CTNNBIP1: variants seen among roughly 807,000 people sequenced by gnomAD.
The protein encoded by CTNNBIP1 is catenin beta interacting protein 1.
A neutral mutation model predicts 11.8 loss-of-function variants in CTNNBIP1; 7 were observed. The observed-to-expected ratio is 0.60, with a 90% CI of 0.34 to 1.12. The LOEUF (loss-of-function observed/expected upper bound fraction) is 1.12. Among genes scored for constraint, CTNNBIP1 ranks in the 50% most tolerant of loss-of-function variants. The pLI is 0.03. For missense variants in CTNNBIP1, 101 were observed against 113.4 expected, an observed-to-expected ratio of 0.89 and a Z score of 0.50; for synonymous variants, 58 against 43.9, an observed-to-expected ratio of 1.32 and a Z score of -1.26.
At chr1:9,899,627 C>T (rs571265294) in intron 1 of CTNNBIP1, among the ~76,000 whole-genome samples, 4 of 151,676 alleles carry the variant, frequency 2.6e-5, no homozygotes, top group African/African-American at 9.7e-5. Flanking sequence ...GGCATGGTGA[C>T]GCATGGCTGT....
At chr1:9,859,878 G>C (rs1638586395) in intron 5 of CTNNBIP1, among the ~76,000 whole-genome samples, 1 of 152,212 alleles carries the variant, frequency 6.6e-6, no homozygotes, top group Non-Finnish European at 1.5e-5. Flanking sequence ...ACAAAGGCCT[G>C]TGACCCTGAT....
intron 5 of CTNNBIP1, among the ~76,000 whole-genome samples, chr1:9,868,355 G>A (rs1428116025): frequency 2.0e-5 from 3 of 152,226 alleles, no homozygotes; most frequent in African/African-American, 4.8e-5. Context: ...GGCCCACACA[G>A]TTGGTCACAG....
chr1:9,850,790 G>A lies in CTNNBIP1; in HGVS notation c.188-14C>T, dbSNP rs759830384. 5.0e-6 allele frequency: 8 copies of A among 1,613,480 alleles called. No individual in the cohort carries two copies. In the Admixed American group the frequency reaches 5.0e-5, roughly 10 times the overall value. On this transcript the variant is annotated splice_polypyrimidine_tract_variant and intron_variant, in intron 5 of 5. Coordinates refer to ENST00000377263, the MANE Select transcript of CTNNBIP1 (RefSeq NM_020248.3). ...CGTCCTCTGCACCTGCAGATAAGGCGACAAGGATCGCTGATGGGGCTTGCA... is the reference window on the plus strand; with the variant it reads ...CGTCCTCTGCACCTGCAGATAAGGCAACAAGGATCGCTGATGGGGCTTGCA...
intron 1 of CTNNBIP1, among the ~76,000 whole-genome samples, chr1:9,908,642 G>A (rs548573305): frequency 2.4e-4 from 37 of 152,268 alleles, no homozygotes; most frequent in Middle Eastern, 3.4e-3. Context: ...GACTACAAGC[G>A]TGAGCCACCG....
intron 1 of CTNNBIP1, among the ~76,000 whole-genome samples, chr1:9,905,274 A>G (rs1322956184): frequency 3.3e-5 from 5 of 152,152 alleles, no homozygotes. Context: ...TCATTCTTGC[A>G]GTCCTCTCTG....
chr1:9,878,512 G>A lies in CTNNBIP1; in HGVS notation c.-109-523C>T, dbSNP rs536138984. Among the ~76,000 whole-genome samples the A allele has an allele frequency of 2.6e-5, 4 of 152,218 alleles. No homozygotes were observed. In the East Asian group the frequency reaches 7.7e-4, roughly 29 times the overall value. On this transcript the variant is annotated intron_variant, in intron 2 of 5. Coordinates refer to ENST00000377263, the MANE Select transcript of CTNNBIP1 (RefSeq NM_020248.3). ...CACCTAAACATCAACTAACACACAT[G>A]CTAGAAACACACGAAAAGCACAGTC...
intron 2 of CTNNBIP1, among the ~76,000 whole-genome samples, chr1:9,882,669 G>C (rs1458876033): frequency 2.6e-5 from 4 of 152,126 alleles, no homozygotes; most frequent in South Asian, 4.2e-4. Flanking sequence ...AGGAGAGGAG[G>C]GGGAGCAGCC....
intron 1 of CTNNBIP1, among the ~76,000 whole-genome samples, chr1:9,892,421 A>T (rs1284529628): frequency 1.8e-5 from 2 of 112,424 alleles, no homozygotes; most frequent in Non-Finnish European, 3.4e-5. Context: ...GACTCCGTCT[A>T]AAAAAAAAAA....
Position 9,851,927 on chromosome 1 carries a change from T to G in CTNNBIP1, c.188-1151A>C, listed in dbSNP as rs1476314258. Among the ~76,000 whole-genome samples the G allele has an allele frequency of 2.0e-5, 3 of 152,208 alleles. No individual in the cohort carries two copies. The East Asian group carries it at 5.8e-4, about 29-fold the overall frequency. On this transcript the variant is annotated intron_variant, in intron 5 of 5. Transcript: ENST00000377263. The surrounding 1 kb of genome is among the most constrained non-coding windows in gnomAD (Gnocchi z 4.8). ...CCACCTTGACTCCCTGACCCTGTCC[T>G]GCTGCTCTCACCCCCTTTGTAAAAG...
At position 9,867,422 on chromosome 1, in the gene CTNNBIP1, T is replaced by C. The variant is rs1328912417; in HGVS notation, c.187+3765A>G. On this transcript the variant is annotated intron_variant, in intron 5 of 5. Coordinates refer to ENST00000377263, the MANE Select transcript of CTNNBIP1 (RefSeq NM_020248.3). The surrounding 1 kb of genome is among the most constrained non-coding windows in gnomAD (Gnocchi z 4.6). The stretch of plus-strand genomic sequence containing the variant: ...GGGTAAAGGGGTGCCCACGGCCCCC[T>C]CCCTGGGCCTCAAGTAAGGGAGCAG... Among the ~76,000 whole-genome samples the C allele has an allele frequency of 2.0e-5, 3 of 152,112 alleles. No individual in the cohort carries two copies. Among genetic ancestry groups the C allele is most frequent in the African/African-American group, 7.2e-5 (3 of 41,436 alleles).
At position 9,849,052 on chromosome 1, in the gene CTNNBIP1, T is replaced by C. The variant is rs1026708240; in HGVS notation, c.*1666A>G. ...CTAGGGGCCTCAGCATCTACCAGCA[T>C]AGGGGAGGGTGGCGGCCCCCTTCCT... On this transcript the variant is annotated 3_prime_UTR_variant, in exon 6 of 6. Coordinates refer to ENST00000377263, the MANE Select transcript of CTNNBIP1 (RefSeq NM_020248.3). 6 of 152,120 alleles carry C rather than the reference T, an allele frequency of 3.9e-5. No homozygotes were observed. The highest frequency in any genetic ancestry group is 1.4e-4 in the African/African-American group (6 of 41,390). 9.4% of individuals were successfully genotyped at this position (152,120 alleles called of 1,614,324 possible).
At chr1:9,892,578 G>A (rs1359868542) in intron 1 of CTNNBIP1, among the ~76,000 whole-genome samples, 21 of 150,798 alleles carry the variant, frequency 1.4e-4, no homozygotes, top group Non-Finnish European at 2.4e-4. Context: ...GGGCAACAGA[G>A]CGAGACTGTC....
At chr1:9,873,634 C>T (rs1638908990) in intron 3 of CTNNBIP1, among the ~76,000 whole-genome samples, 1 of 152,216 alleles carries the variant, frequency 6.6e-6, no homozygotes, top group African/African-American at 2.4e-5. Flanking sequence ...GTCTCCACCT[C>T]TTCCCCAGTG....
chr1:9,888,427 A>G (rs1355575994), intron 1 of CTNNBIP1, among the ~76,000 whole-genome samples: 1 of 151,826 alleles, frequency 6.6e-6, no homozygotes, highest in Non-Finnish European at 1.5e-5. Context: ...ACTAAAAAAT[A>G]CCAAAAATTA....
intron 1 of CTNNBIP1, among the ~76,000 whole-genome samples, chr1:9,885,645 A>G (rs1354706186): frequency 1.6e-5 from 2 of 123,354 alleles, no homozygotes; most frequent in Admixed American, 7.6e-5. Flanking sequence ...CCCTGTCTCT[A>G]AAAAAAAAAA....
At chr1:9,896,388 A>T (rs560183153) in intron 1 of CTNNBIP1, among the ~76,000 whole-genome samples, 2 of 152,212 alleles carry the variant, frequency 1.3e-5, no homozygotes, top group Non-Finnish European at 2.9e-5. Flanking sequence ...ACAGTGCGAG[A>T]AGAAAATATG....
chr1:9,861,760 C>T (rs1457517950), intron 5 of CTNNBIP1, among the ~76,000 whole-genome samples: 1 of 152,216 alleles, frequency 6.6e-6, no homozygotes, highest in Admixed American at 6.5e-5. Context: ...CTTGGGGTCC[C>T]TTGTGGTACC....
intron 5 of CTNNBIP1, among the ~76,000 whole-genome samples, chr1:9,862,381 C>A (rs965376874): frequency 1.3e-5 from 2 of 152,272 alleles, no homozygotes; most frequent in Admixed American, 6.5e-5. Flanking sequence ...CCGTGCCTGC[C>A]CCATCCTGGC....
chr1:9,857,219 G>A (rs909322590), intron 5 of CTNNBIP1, among the ~76,000 whole-genome samples: 7 of 152,124 alleles, frequency 4.6e-5, no homozygotes, highest in African/African-American at 1.4e-4. Context: ...GGTGGCTCAC[G>A]CCTGTAATCC....
Sources: gnomAD v4.1 joint callset for allele counts (sites outside exome capture counted in the v4.1 genomes callset) on GRCh38, gnomAD v4.1.1 for gene constraint, Gnocchi (gnomAD v3.1) non-coding constraint, MANE v1.5 for transcripts, NCBI Gene and HGNC (gene_info 2026-07-23, HGNC 2026-07-21) for gene names.